The following ZHX2 variants were observed in gnomAD, a reference collection of about 807,000 sequenced individuals.
The protein encoded by ZHX2 is zinc fingers and homeoboxes 2.
In ZHX2, 6 loss-of-function variants were observed where a neutral mutation model predicts 21.9. That is an observed-to-expected ratio of 0.27 (90% CI 0.15 to 0.54). The LOEUF is 0.54. ZHX2 is among the 20% of genes least tolerant of loss of function. The probability of loss-of-function intolerance (pLI) is 0.95; values close to 1 mark genes in which losing one functional copy is unlikely to be tolerated. For synonymous variants in ZHX2, 434 were observed against 437.1 expected (o/e 0.99, Z 0.09); for missense variants, 908 against 1,090.7 (o/e 0.83, Z 2.36).
intron 2 of ZHX2, among the ~76,000 whole-genome samples, chr8:122,908,293 G>A (rs879904335): frequency 6.6e-6 from 1 of 152,150 alleles, no homozygotes; most frequent in Non-Finnish European, 1.5e-5. Flanking sequence ...TCCGCCTCCC[G>A]AGTTCAAGAG....
At chr8:122,919,168 C>T (rs774825075) in intron 2 of ZHX2, among the ~76,000 whole-genome samples, 4 of 152,236 alleles carry the variant, frequency 2.6e-5, no homozygotes, top group Non-Finnish European at 5.9e-5. Context: ...TCTCTCGCTT[C>T]ATCCAGTTCT....
chr8:122,835,472 A>G (rs1818473094), intron 1 of ZHX2, among the ~76,000 whole-genome samples: 1 of 152,170 alleles, frequency 6.6e-6, no homozygotes, highest in African/African-American at 2.4e-5. Flanking sequence ...GAATGGGTAC[A>G]GGCAATACTA....
intron 1 of ZHX2, among the ~76,000 whole-genome samples, chr8:122,822,229 C>T (rs577835303): frequency 2.0e-5 from 3 of 152,254 alleles, no homozygotes; most frequent in East Asian, 3.9e-4. Flanking sequence ...GCTAAGTGAA[C>T]GAAGGCCCAG....
At chr8:122,857,655 T>C (rs1254160984) in intron 1 of ZHX2, among the ~76,000 whole-genome samples, 2 of 152,202 alleles carry the variant, frequency 1.3e-5, no homozygotes, top group African/African-American at 2.4e-5. Context: ...TCCAGTTACA[T>C]AGCCAACATT....
At chr8:122,915,180 A>G (rs1325728860) in intron 2 of ZHX2, among the ~76,000 whole-genome samples, 1 of 152,206 alleles carries the variant, frequency 6.6e-6, no homozygotes, top group Non-Finnish European at 1.5e-5. Flanking sequence ...GGAAGGGGCC[A>G]TACAGCTGTG....
chr8:122,785,891 G>C (rs1013365854), intron 1 of ZHX2, among the ~76,000 whole-genome samples: 2 of 152,182 alleles, frequency 1.3e-5, no homozygotes, highest in Non-Finnish European at 2.9e-5. Flanking sequence ...GCTATGGCAG[G>C]TTTCTGAAGG....
chr8:122,851,023 C>A (rs1356536156), intron 1 of ZHX2, among the ~76,000 whole-genome samples: 2 of 151,994 alleles, frequency 1.3e-5, no homozygotes, highest in Non-Finnish European at 2.9e-5. Flanking sequence ...CTTTTCCCAG[C>A]TATCATTGTG....
At chr8:122,809,777 A>G (rs188366187) in intron 1 of ZHX2, among the ~76,000 whole-genome samples, 2 of 152,310 alleles carry the variant, frequency 1.3e-5, no homozygotes, top group Non-Finnish European at 1.5e-5. Flanking sequence ...GCCCCATGCC[A>G]GCTATGTGAC....
Position 122,900,640 on chromosome 8 carries a change from C to G in ZHX2, c.-220+37101C>G, listed in dbSNP as rs62521599. On this transcript the variant is annotated intron_variant, in intron 2 of 3. Transcript: ENST00000314393. ...CAGTGACATTCAATATACGTTGGCC[C>G]TTAATTTTGTCCTGGTGCTAGATTT... is the stretch of plus-strand genomic sequence containing the variant. 8.2e-4 allele frequency among the ~76,000 whole-genome samples: 125 copies of G among 152,268 alleles called. 2 individuals are homozygous for G. In the East Asian group the frequency reaches 0.016, roughly 20 times the overall value.
chr8:122,956,644 G>T (rs1189996914), intron 3 of ZHX2, among the ~76,000 whole-genome samples: 1 of 152,204 alleles, frequency 6.6e-6, no homozygotes, highest in Non-Finnish European at 1.5e-5. Context: ...ATAGCCAAAA[G>T]GTAGAGTTTG....
In ZHX2 at chr8:122,944,564, T is replaced by C. The variant is rs73335716; in HGVS notation, c.-219-6728T>C. On this transcript the variant is annotated intron_variant, in intron 2 of 3. Transcript: ENST00000314393. The stretch of plus-strand genomic sequence containing the variant: ...TGACCACACTGCTTAAAACCTCAAG[T>C]GGCCCCGCTCTACACTTTTAATGTG... 1.7e-4 allele frequency among the ~76,000 whole-genome samples: 26 copies of C among 151,674 alleles called. 1 individual carries two copies. Among genetic ancestry groups the C allele is most frequent in the African/African-American group, 6.3e-4 (26 of 41,310 alleles).
chr8:122,832,005 G>T (rs1170190393), intron 1 of ZHX2, among the ~76,000 whole-genome samples: 1 of 152,162 alleles, frequency 6.6e-6, no homozygotes, highest in Non-Finnish European at 1.5e-5. Context: ...TGTCCTTGAT[G>T]TAGGAAGGAG....
intron 1 of ZHX2, among the ~76,000 whole-genome samples, chr8:122,827,632 A>C (rs1818289993): frequency 1.3e-5 from 2 of 151,978 alleles, no homozygotes; most frequent in African/African-American, 4.8e-5. Context: ...AAAAAAGAGA[A>C]TCTGACTTCA....
chr8:122,782,233 G>A lies in ZHX2; in HGVS notation c.-283+287G>A, dbSNP rs931350519. The stretch of plus-strand genomic sequence containing the variant: ...TTTGATTACAAGTTTGGATAAATGG[G>A]AGCCAGAGCGAGGAGGAGGAGGAGG... On this transcript the variant is annotated intron_variant, in intron 1 of 3. Transcript: ENST00000314393. This position sits in a 1 kb window ranked among gnomAD's most constrained non-coding sequence, Gnocchi z 5.3. 2.0e-5 allele frequency among the ~76,000 whole-genome samples: 3 copies of A among 152,112 alleles called. No individual in the cohort carries two copies. The highest frequency in any genetic ancestry group is 7.2e-5 in the African/African-American group (3 of 41,428).
At chr8:122,838,728 C>T (rs1818559523) in intron 1 of ZHX2, among the ~76,000 whole-genome samples, 1 of 151,932 alleles carries the variant, frequency 6.6e-6, no homozygotes, top group Non-Finnish European at 1.5e-5. Flanking sequence ...CAAGCACGTG[C>T]CACTACACCC....
chr8:122,951,235 G>A (rs962849826), intron 2 of ZHX2, 57 bp from the exon 3 acceptor site: 3 of 389,002 alleles, frequency 7.7e-6, no homozygotes, highest in African/African-American at 4.1e-5. Context: ...ATAAAGAAGT[G>A]CCAGTTTCTT....
intron 1 of ZHX2, among the ~76,000 whole-genome samples, chr8:122,794,578 A>AT (rs1269759054): frequency 1.3e-5 from 2 of 152,132 alleles, no homozygotes; most frequent in African/African-American, 2.4e-5. Flanking sequence ...AGATATTTAG[A>AT]TTTTTTAATG....
At chr8:122,818,941 G>C (rs1818085165) in intron 1 of ZHX2, among the ~76,000 whole-genome samples, 1 of 152,192 alleles carries the variant, frequency 6.6e-6, no homozygotes, top group African/African-American at 2.4e-5. Context: ...CCCATCTCAG[G>C]CAGCAGCAAG....
At position 122,856,276 on chromosome 8, in the gene ZHX2, C is replaced by G. The variant is rs1297157800; in HGVS notation, c.-282-7201C>G. ...AAAGTGGTTTCAAATTATTGTTCCT[C>G]GGAGTGGAGTTTCCATACCAAGGAG... On this transcript the variant is annotated intron_variant, in intron 1 of 3. Coordinates refer to ENST00000314393, the MANE Select transcript of ZHX2 (RefSeq NM_014943.5). Among the ~76,000 whole-genome samples the G allele has an allele frequency of 2.6e-5, 4 of 152,246 alleles. No individual in the cohort carries two copies. In the East Asian group the frequency reaches 5.8e-4, roughly 22 times the overall value.
Sources: gnomAD v4.1 joint callset for allele counts (sites outside exome capture counted in the v4.1 genomes callset) on GRCh38, gnomAD v4.1.1 for gene constraint, Gnocchi (gnomAD v3.1) non-coding constraint, MANE v1.5 for transcripts, NCBI Gene and HGNC (gene_info 2026-07-23, HGNC 2026-07-21) for gene names.